SCN2A: variants seen among roughly 807,000 people sequenced by gnomAD.
SCN2A encodes the protein sodium voltage-gated channel alpha subunit 2, also known as sodium channel protein type 2 subunit alpha.
SCN2A carries 20 observed loss-of-function variants against 188.7 expected under a neutral mutation model. That is an observed-to-expected ratio of 0.11 (90% CI 0.07 to 0.15). The LOEUF (loss-of-function observed/expected upper bound fraction) is 0.15, where lower values mean the gene tolerates loss of function less well. Ranked by LOEUF, SCN2A falls within the 10% of genes least tolerant of loss-of-function variation. The pLI is 1.00. For missense variants in SCN2A, 1,278 were observed against 2,445.0 expected, an observed-to-expected ratio of 0.52 and a Z score of 10.07; for synonymous variants, 804 against 833.1, an observed-to-expected ratio of 0.97 and a Z score of 0.60.
At chr2:165,381,926 T>C (rs73025971) in intron 25 of SCN2A, among the ~76,000 whole-genome samples, 2,832 of 152,100 alleles carry the variant, frequency 0.019, 85 homozygotes, top group African/African-American at 0.062. Flanking sequence ...CACTTCAGTG[T>C]TTCTCAGAAA....
intron 1 of SCN2A, among the ~76,000 whole-genome samples, chr2:165,288,940 G>T (rs527578889): frequency 6.6e-6 from 1 of 151,926 alleles, no homozygotes; most frequent in East Asian, 1.9e-4. Context: ...ATGTACCAAA[G>T]AACCCAAAAA....
intron 6 of SCN2A, 38 bp from the exon 7 acceptor site, chr2:165,310,285 T>C: frequency 6.2e-7 from 1 of 1,609,104 alleles, no homozygotes; most frequent in Non-Finnish European, 8.5e-7. Flanking sequence ...AGCTGTTGAG[T>C]AGTATATTTA....
rs1702077490 is a variant in SCN2A at position 165,390,282 on chromosome 2, C to T, written c.*458C>T. On this transcript the variant is annotated 3_prime_UTR_variant, in exon 27 of 27. Coordinates refer to ENST00000375437, the MANE Select transcript of SCN2A (RefSeq NM_001040142.2). ...ACAGGTTGTTTACTATTATATGTGA[C>T]TATTTTTGTAAATGGGTTTGTGTTT... 1 of 173,196 alleles carries T rather than the reference C, an allele frequency of 5.8e-6. No homozygotes were observed. Among genetic ancestry groups the T allele is most frequent in the Non-Finnish European group, 1.3e-5 (1 of 79,878 alleles). 10.7% of individuals were successfully genotyped at this position (173,196 alleles called of 1,614,324 possible).
chr2:165,330,957 C>G (rs1233918850), intron 13 of SCN2A, among the ~76,000 whole-genome samples: 1 of 152,154 alleles, frequency 6.6e-6, no homozygotes, highest in Non-Finnish European at 1.5e-5. Context: ...TAGGACATCT[C>G]CTGAGATATC....
chr2:165,349,612 T>C (rs1699783167), intron 16 of SCN2A, among the ~76,000 whole-genome samples: 1 of 152,196 alleles, frequency 6.6e-6, no homozygotes, highest in African/African-American at 2.4e-5. Flanking sequence ...TAAAAAGATA[T>C]AGTTTATAAA....
intron 11 of SCN2A, 39 bp downstream of exon 11, chr2:165,315,797 T>A (rs1489214601): frequency 2.5e-6 from 4 of 1,597,480 alleles, no homozygotes; most frequent in Middle Eastern, 1.7e-4. Flanking sequence ...TTCTCATAAA[T>A]TTTTTAAAAA....
intron 1 of SCN2A, among the ~76,000 whole-genome samples, chr2:165,258,208 G>A (rs546672373): frequency 5.9e-5 from 9 of 151,968 alleles, no homozygotes; most frequent in Non-Finnish European, 1.0e-4. Flanking sequence ...TGTTGCAATC[G>A]CTTTGGCATT....
Position 165,327,470 on chromosome 2 carries a change from T to C in SCN2A, c.2149+486T>C, listed in dbSNP as rs149226788. On this transcript the variant is annotated intron_variant, in intron 13 of 26. Coordinates refer to ENST00000375437, the MANE Select transcript of SCN2A (RefSeq NM_001040142.2). ...CTACTTTTGCCTTTCTCTGACCAGA[T>C]TCTTACAATATATCAGCTTTCTCTT... 6.4e-3 allele frequency: 1,156 copies of C among 181,270 alleles called. 22 individuals are homozygous for C. The highest frequency in any genetic ancestry group is 0.025 in the African/African-American group (1,056 of 41,734). The allele number at this position is 181,270 out of a possible 1,614,324, so 11.2% of individuals were successfully genotyped here. A position where few individuals can be genotyped will look rare whatever the true frequency, so the allele number is the denominator to read the frequency against.
At chr2:165,365,059 T>TGG (rs3835933) in intron 17 of SCN2A, 84 bp from the exon 18 acceptor site, 90 of 1,083,100 alleles carry the variant, frequency 8.3e-5, no homozygotes, top group South Asian at 2.3e-4. Context: ...ATACAGAAGA[T>TGG]GGGGGGGGGG....
Position 165,312,086 on chromosome 2 carries a change from A to G in SCN2A, c.1032A>G (p.Ala344=), listed in dbSNP as rs778228350. The change falls in exon 8 of 27, where the codon GCA becomes GCG. Residue 344 remains alanine, a splice_region_variant and synonymous_variant. Transcript: ENST00000375437. ...DALLCGNSSD[A]GQCPEGYICV... ...TGCTTTGTGGCAACAGCTCAGATGC[A>G]GGGTAAGTGATGCTTCCTACTGAGT... 35 of 1,611,526 alleles carry G rather than the reference A, an allele frequency of 2.2e-5. No individual in the cohort carries two copies. The highest frequency in any genetic ancestry group is 2.8e-5 in the Non-Finnish European group (33 of 1,178,316).
At chr2:165,291,013 G>GT (rs1176665195) in intron 1 of SCN2A, among the ~76,000 whole-genome samples, 2 of 116,698 alleles carry the variant, frequency 1.7e-5, no homozygotes, top group Non-Finnish European at 1.9e-5. Flanking sequence ...ATTTCCTGGT[G>GT]TTTTTTTCTT....
At chr2:165,270,325 G>C (rs1695049451) in intron 1 of SCN2A, 1 of 151,574 alleles carries the variant, frequency 6.6e-6, no homozygotes, top group South Asian at 2.1e-4. Flanking sequence ...AACAAGTTTT[G>C]TGCACCTAAT....
At chr2:165,314,181 G>T in intron 10 of SCN2A, 73 bp downstream of exon 10, 1 of 1,469,566 alleles carries the variant, frequency 6.8e-7, no homozygotes, top group South Asian at 1.2e-5. Flanking sequence ...GAGGTCAGTG[G>T]CAAGGTAGTT....
At chr2:165,317,092 T>A (rs77756095) in intron 11 of SCN2A, among the ~76,000 whole-genome samples, 2 of 152,198 alleles carry the variant, frequency 1.3e-5, no homozygotes, top group African/African-American at 4.8e-5. Context: ...CAAGCTCACA[T>A]AACCTCACAT....
chr2:165,267,561 A>C (rs921546718), intron 1 of SCN2A: 1 of 151,992 alleles, frequency 6.6e-6, no homozygotes, highest in Non-Finnish European at 1.5e-5. Context: ...TATAGGGGAA[A>C]ACTCTATGAC....
intron 17 of SCN2A, among the ~76,000 whole-genome samples, chr2:165,358,979 A>T (rs562487160): frequency 6.6e-6 from 1 of 152,254 alleles, no homozygotes; most frequent in South Asian, 2.1e-4. Flanking sequence ...ATTTTTAAGA[A>T]ATGTTAATTA....
intron 1 of SCN2A, among the ~76,000 whole-genome samples, chr2:165,282,085 T>C (rs966699144): frequency 1.4e-4 from 22 of 152,278 alleles, no homozygotes; most frequent in African/African-American, 4.8e-4. Context: ...ATGTCTGTGT[T>C]CTGCTGCCCT....
intron 19 of SCN2A, among the ~76,000 whole-genome samples, chr2:165,368,080 T>G (rs546216805): frequency 6.6e-6 from 1 of 152,250 alleles, no homozygotes; most frequent in South Asian, 2.1e-4. Context: ...TACAAATGAC[T>G]TGAAGATGGT....
chr2:165,287,574 T>A (rs1400422932), intron 1 of SCN2A, among the ~76,000 whole-genome samples: 2 of 152,058 alleles, frequency 1.3e-5, no homozygotes, highest in Non-Finnish European at 2.9e-5. Context: ...AGACCAATTA[T>A]TATTTTAGAC....
Sources: allele counts gnomAD v4.1 joint callset (sites outside exome capture counted in the v4.1 genomes callset), GRCh38; gene constraint gnomAD v4.1.1; transcripts MANE v1.5; gene names NCBI Gene and HGNC (gene_info 2026-07-23, HGNC 2026-07-21).